The following SLC24A2 variants were observed in gnomAD, a reference collection of about 807,000 sequenced individuals.
The protein encoded by SLC24A2 is solute carrier family 24 member 2.
In SLC24A2, 36 loss-of-function variants were observed where a neutral mutation model predicts 62.0. The ratio of observed to expected loss-of-function variants is 0.58; its 90% CI spans 0.44 to 0.77. The LOEUF is 0.77. SLC24A2 is among the 30% of genes least tolerant of loss of function. The pLI is 0.00. For synonymous variants in SLC24A2, 358 were observed against 294.0 expected (o/e 1.22, Z -2.23); for missense variants, 846 against 817.9 (o/e 1.03, Z -0.42).
At chr9:19,988,129 GT>G in the SLC24A2 span, among the ~76,000 whole-genome samples, 1 of 152,090 alleles carries the variant, frequency 6.6e-6, no homozygotes, top group Non-Finnish European at 1.5e-5. Flanking sequence ...GGAATTTAGG[GT>G]TTTTTTCCTT....
intron 9 of SLC24A2, among the ~76,000 whole-genome samples, chr9:19,525,379 C>T (rs1387147625): frequency 5.3e-5 from 6 of 113,384 alleles, no homozygotes; most frequent in African/African-American, 1.0e-4. Flanking sequence ...GTTTTTTTTT[C>T]CTATTTCTTT....
chr9:20,139,956 G>A, the SLC24A2 span, among the ~76,000 whole-genome samples: 1 of 152,234 alleles, frequency 6.6e-6, no homozygotes, highest in African/African-American at 2.4e-5. Context: ...AGCCCGTGCT[G>A]CTGAATGAGA....
chr9:20,306,943 C>G, the SLC24A2 span, among the ~76,000 whole-genome samples: 3 of 152,226 alleles, frequency 2.0e-5, no homozygotes, highest in South Asian at 6.2e-4. Flanking sequence ...AGTGATCCTC[C>G]CACCTCAGCC....
At chr9:19,678,578 C>A (rs923761803) in intron 2 of SLC24A2, among the ~76,000 whole-genome samples, 1 of 152,112 alleles carries the variant, frequency 6.6e-6, no homozygotes, top group African/African-American at 2.4e-5. Flanking sequence ...ACTGTTCATC[C>A]AAAGAAAATC....
At chr9:19,850,999 A>T in the SLC24A2 span, among the ~76,000 whole-genome samples, 24 of 41,864 alleles carry the variant, frequency 5.7e-4, 1 homozygote, top group South Asian at 9.6e-4. Flanking sequence ...ATATATATAT[A>T]TACACATACA....
chr9:19,534,719 T>C (rs977840467), intron 8 of SLC24A2, among the ~76,000 whole-genome samples: 2 of 152,216 alleles, frequency 1.3e-5, no homozygotes, highest in Non-Finnish European at 1.5e-5. Context: ...TAATACTCCA[T>C]GGTGTATATG....
chr9:20,172,764 G>A, the SLC24A2 span, among the ~76,000 whole-genome samples: 2 of 152,010 alleles, frequency 1.3e-5, no homozygotes, highest in Non-Finnish European at 2.9e-5. Context: ...AATTCTACCA[G>A]ACATTCGAAG....
intron 8 of SLC24A2, among the ~76,000 whole-genome samples, chr9:19,542,001 C>G (rs570651478): frequency 6.6e-6 from 1 of 152,152 alleles, no homozygotes; most frequent in Admixed American, 6.5e-5. Context: ...TTCTTTGACT[C>G]GGAAAGGGAA....
intron 9 of SLC24A2, among the ~76,000 whole-genome samples, chr9:19,526,716 GAGCTTTA>G (rs892938179): frequency 6.6e-4 from 100 of 152,162 alleles, no homozygotes; most frequent in African/African-American, 2.3e-3. Context: ...TCCTATTATG[GAGCTTTA>G]AGCTTGTATC....
chr9:20,279,944 A>T, the SLC24A2 span, among the ~76,000 whole-genome samples: 1 of 152,228 alleles, frequency 6.6e-6, no homozygotes, highest in Non-Finnish European at 1.5e-5. Context: ...GAGGATCAGG[A>T]CTTTGAGATT....
At chr9:19,927,947 T>A in the SLC24A2 span, 3 of 152,420 alleles carry the variant, frequency 2.0e-5, no homozygotes, top group Non-Finnish European at 4.4e-5. Flanking sequence ...TGAGCCTGTG[T>A]GCCTGGAAGG....
chr9:19,972,421 T>C, the SLC24A2 span, among the ~76,000 whole-genome samples: 2 of 152,176 alleles, frequency 1.3e-5, no homozygotes, highest in Non-Finnish European at 2.9e-5. Flanking sequence ...GTTTTGTATG[T>C]GCCAGGCAGT....
the SLC24A2 span, among the ~76,000 whole-genome samples, chr9:19,816,282 T>A: frequency 6.6e-6 from 1 of 151,828 alleles, no homozygotes; most frequent in African/African-American, 2.4e-5. Context: ...TCTTAGAGTC[T>A]TCTACTTCAA....
At chr9:20,111,133 A>G in the SLC24A2 span, among the ~76,000 whole-genome samples, 1 of 152,182 alleles carries the variant, frequency 6.6e-6, no homozygotes. Flanking sequence ...AAGCTGACTT[A>G]TGGTGGATGG....
the SLC24A2 span, among the ~76,000 whole-genome samples, chr9:20,019,291 G>GAAAGAAAGAAAGAAAA: frequency 7.3e-5 from 11 of 149,844 alleles, no homozygotes; most frequent in African/African-American, 2.7e-4. Context: ...AAGAAAGAAA[G>GAAAGAAAGAAAGAAAA]AAAGAAAGAA....
chr9:19,553,777 A>G (rs1436275634), intron 7 of SLC24A2, among the ~76,000 whole-genome samples: 2 of 152,256 alleles, frequency 1.3e-5, no homozygotes, highest in African/African-American at 4.8e-5. Context: ...CCTGCTTTCA[A>G]GGAGTCTTGG....
the SLC24A2 span, among the ~76,000 whole-genome samples, chr9:19,913,965 C>T: frequency 6.6e-6 from 1 of 151,962 alleles, no homozygotes; most frequent in Non-Finnish European, 1.5e-5. Flanking sequence ...ATGCCAGCTC[C>T]TTCTCCAAAA....
At chr9:19,647,721 T>G (rs1326071183) in intron 2 of SLC24A2, among the ~76,000 whole-genome samples, 1 of 152,234 alleles carries the variant, frequency 6.6e-6, no homozygotes, top group Non-Finnish European at 1.5e-5. Flanking sequence ...TAGATACCAT[T>G]TATATTTCAA....
the SLC24A2 span, among the ~76,000 whole-genome samples, chr9:20,116,691 A>T: frequency 6.6e-6 from 1 of 152,198 alleles, no homozygotes; most frequent in Non-Finnish European, 1.5e-5. Context: ...AATTCAATGC[A>T]TACTTATGGA....
Sources: gnomAD v4.1 joint callset for allele counts (sites outside exome capture counted in the v4.1 genomes callset) on GRCh38, gnomAD v4.1.1 for gene constraint, MANE v1.5 for transcripts, NCBI Gene and HGNC (gene_info 2026-07-23, HGNC 2026-07-21) for gene names.